Variants in RBFOX1 observed in about 807,000 individuals in gnomAD.
RBFOX1 encodes RNA binding protein fox-1 homolog 1.
RBFOX1 carries 8 observed loss-of-function variants against 57.7 expected under a neutral mutation model. That is an observed-to-expected ratio of 0.14 (90% CI 0.08 to 0.25). The LOEUF (loss-of-function observed/expected upper bound fraction) is 0.25, where lower values mean the gene tolerates loss of function less well. Among genes scored for constraint, RBFOX1 ranks in the 10% least tolerant of loss-of-function variants. RBFOX1 has a pLI of 1.00. For synonymous variants in RBFOX1, 326 were observed against 222.4 expected, an observed-to-expected ratio of 1.47 and a Z score of -4.15; for missense variants, 611 against 548.5, an observed-to-expected ratio of 1.11 and a Z score of -1.14.
chr16:6,710,831 C>G (rs1475001717), intron 3 of RBFOX1, among the ~76,000 whole-genome samples: 2 of 152,134 alleles, frequency 1.3e-5, no homozygotes, highest in Non-Finnish European at 2.9e-5. Flanking sequence ...GTAACTGTAG[C>G]AAAAACAAAT....
chr16:5,954,823 C>G (rs77687156), intron 4 of RBFOX1, among the ~76,000 whole-genome samples: 10 of 152,018 alleles, frequency 6.6e-5, no homozygotes, highest in Non-Finnish European at 4.4e-5. Flanking sequence ...GCCAATATTT[C>G]TAGGATGTTA....
At chr16:5,821,814 C>G (rs1381924871) in intron 3 of RBFOX1, among the ~76,000 whole-genome samples, 1 of 152,146 alleles carries the variant, frequency 6.6e-6, no homozygotes, top group African/African-American at 2.4e-5. Flanking sequence ...TGGTCTCTTG[C>G]TGCTGCATCC....
chr16:5,834,809 G>C (rs1179251370), intron 3 of RBFOX1, among the ~76,000 whole-genome samples: 2 of 150,984 alleles, frequency 1.3e-5, no homozygotes, highest in Non-Finnish European at 2.9e-5. Flanking sequence ...TAGATAGATA[G>C]ATAGATAGAT....
rs2084269395 is a variant in RBFOX1, at chr16:7,713,316, A to C, written c.*2571A>C. 1 of 152,236 alleles carries C rather than the reference A, an allele frequency of 6.6e-6. No homozygotes were observed. Among genetic ancestry groups the C allele is most frequent in the Non-Finnish European group, 1.5e-5 (1 of 68,048 alleles). 9.4% of individuals were successfully genotyped at this position (152,236 alleles called of 1,614,324 possible). A position where few individuals can be genotyped will look rare whatever the true frequency, so the allele number is the denominator to read the frequency against. On this transcript the variant is annotated 3_prime_UTR_variant, in exon 16 of 16. Transcript: ENST00000550418. Reference sequence around the variant, plus strand: ...GAAAACTGGTTTGTAATATCAAAAAAATAAAAGCTTAGTCTGAAAAGGTAC... The same window carrying C: ...GAAAACTGGTTTGTAATATCAAAAACATAAAAGCTTAGTCTGAAAAGGTAC...
intron 4 of RBFOX1, among the ~76,000 whole-genome samples, chr16:7,415,564 T>C (rs2098470167): frequency 6.6e-6 from 1 of 152,196 alleles, no homozygotes; most frequent in Non-Finnish European, 1.5e-5. Context: ...TTTTCTGGCT[T>C]TGTGATTTGG....
chr16:7,515,080 C>T (rs1479177071), intron 4 of RBFOX1, among the ~76,000 whole-genome samples: 1 of 152,086 alleles, frequency 6.6e-6, no homozygotes, highest in African/African-American at 2.4e-5. Flanking sequence ...GATCTTTGAG[C>T]AGAAGCTGCC....
chr16:6,212,893 A>G (rs2097308025), intron 1 of RBFOX1, among the ~76,000 whole-genome samples: 1 of 152,226 alleles, frequency 6.6e-6, no homozygotes, highest in Non-Finnish European at 1.5e-5. Context: ...AAAGTCTGTT[A>G]TTAACGAAGA....
chr16:6,256,269 A>G (rs1004074797), intron 1 of RBFOX1, among the ~76,000 whole-genome samples: 31 of 116,650 alleles, frequency 2.7e-4, no homozygotes, highest in African/African-American at 8.5e-4. Flanking sequence ...GTATATATAT[A>G]TGTATATATA....
chr16:6,189,821 A>G (rs1017936936), intron 1 of RBFOX1, among the ~76,000 whole-genome samples: 3 of 152,272 alleles, frequency 2.0e-5, no homozygotes, highest in Non-Finnish European at 4.4e-5. Context: ...GTCTTTTCAC[A>G]TGGTTAAACA....
intron 1 of RBFOX1, among the ~76,000 whole-genome samples, chr16:6,176,372 T>C (rs908109684): frequency 4.1e-5 from 6 of 146,748 alleles, no homozygotes; most frequent in African/African-American, 1.5e-4. Context: ...TTGGCCAGGC[T>C]GGTCTCAAAC....
chr16:5,301,634 A>AT (rs1184580159), intron 1 of RBFOX1, among the ~76,000 whole-genome samples: 1 of 150,282 alleles, frequency 6.7e-6, no homozygotes, highest in African/African-American at 2.5e-5. Flanking sequence ...AAAAAAAAAA[A>AT]AAAACACACA....
At chr16:6,122,904 G>T (rs1182997690) in intron 1 of RBFOX1, among the ~76,000 whole-genome samples, 3 of 150,876 alleles carry the variant, frequency 2.0e-5, no homozygotes, top group Non-Finnish European at 2.9e-5. Context: ...AAAGATATTA[G>T]TTTAAAAGAC....
intron 3 of RBFOX1, among the ~76,000 whole-genome samples, chr16:6,901,040 C>T (rs142321224): frequency 7.2e-4 from 110 of 152,244 alleles, no homozygotes; most frequent in Non-Finnish European, 1.2e-3. Context: ...TTATGTATAC[C>T]GGGTGCTGTG....
At chr16:7,485,276 C>T (rs2065092019) in intron 4 of RBFOX1, among the ~76,000 whole-genome samples, 1 of 152,164 alleles carries the variant, frequency 6.6e-6, no homozygotes, top group Non-Finnish European at 1.5e-5. Context: ...GTTGCTTTTC[C>T]CTCATGTTTC....
At chr16:5,514,411 G>A (rs1213008618) in intron 2 of RBFOX1, among the ~76,000 whole-genome samples, 1 of 152,170 alleles carries the variant, frequency 6.6e-6, no homozygotes, top group Non-Finnish European at 1.5e-5. Context: ...GCTCAGAATG[G>A]TGAGTTTTCC....
chr16:7,264,366 C>T (rs537932958), intron 4 of RBFOX1, among the ~76,000 whole-genome samples: 9 of 152,314 alleles, frequency 5.9e-5, no homozygotes, highest in South Asian at 2.1e-4. Context: ...ATGAGAAACT[C>T]AGAAGGTGCA....
intron 3 of RBFOX1, among the ~76,000 whole-genome samples, chr16:6,887,316 G>A (rs375024282): frequency 6.6e-6 from 1 of 152,138 alleles, no homozygotes; most frequent in Non-Finnish European, 1.5e-5. Context: ...GGCTTTGATG[G>A]TGGGACAGGA....
At chr16:6,939,537 G>A (rs1307480268) in intron 3 of RBFOX1, among the ~76,000 whole-genome samples, 1 of 145,732 alleles carries the variant, frequency 6.9e-6, no homozygotes, top group African/African-American at 2.6e-5. Context: ...TTGAGATGGT[G>A]TCTTGTTCTG....
intron 3 of RBFOX1, among the ~76,000 whole-genome samples, chr16:5,677,293 G>C (rs1430215647): frequency 3.3e-5 from 5 of 152,228 alleles, no homozygotes; most frequent in Non-Finnish European, 7.3e-5. Context: ...GAGAAGGCAA[G>C]TTTCCAGTGT....
Sources: allele counts gnomAD v4.1 joint callset (sites outside exome capture counted in the v4.1 genomes callset), GRCh38; gene constraint gnomAD v4.1.1; transcripts MANE v1.5; gene names NCBI Gene and HGNC (gene_info 2026-07-23, HGNC 2026-07-21).